TRPS1: variants seen among roughly 807,000 people sequenced by gnomAD.
TRPS1 encodes the protein zinc finger transcription factor Trps1.
A neutral mutation model predicts 101.2 loss-of-function variants in TRPS1; 6 were observed. The ratio of observed to expected loss-of-function variants is 0.06; its 90% confidence interval spans 0.03 to 0.12. The LOEUF is 0.12. Ranked by LOEUF, TRPS1 falls within the 10% of genes least tolerant of loss-of-function variation. TRPS1 has a pLI of 1.00. For missense variants in TRPS1, 1,363 were observed against 1,567.0 expected (o/e 0.87, Z 2.20); for synonymous variants, 578 against 589.8 (o/e 0.98, Z 0.29).
chr8:115,605,748 G>T (rs1390226280), intron 3 of TRPS1, among the ~76,000 whole-genome samples: 1 of 152,110 alleles, frequency 6.6e-6, no homozygotes, highest in Non-Finnish European at 1.5e-5. Context: ...CTTCTCACAT[G>T]AGTAGGTCAT....
At chr8:115,445,445 C>T (rs1813708623) in intron 5 of TRPS1, among the ~76,000 whole-genome samples, 1 of 152,166 alleles carries the variant, frequency 6.6e-6, no homozygotes, top group Admixed American at 6.5e-5. Context: ...TCTTACCATA[C>T]ATCTTGAGTT....
At chr8:115,547,256 A>G (rs969344028) in intron 5 of TRPS1, among the ~76,000 whole-genome samples, 2 of 152,120 alleles carry the variant, frequency 1.3e-5, no homozygotes, top group Admixed American at 6.6e-5. Context: ...AAAGGGAACA[A>G]AGAATGACTC....
chr8:115,478,106 C>A (rs1814650587), intron 5 of TRPS1, among the ~76,000 whole-genome samples: 2 of 152,134 alleles, frequency 1.3e-5, no homozygotes, highest in South Asian at 4.2e-4. Context: ...ACAAAGTATG[C>A]TGATTTAAAA....
rs1430047127 is a variant in TRPS1 at position 115,658,082 on chromosome 8, G to A, written c.-122+10463C>T. 2.0e-5 allele frequency among the ~76,000 whole-genome samples: 3 copies of A among 152,032 alleles called. No homozygotes were observed. The South Asian group carries it at 6.2e-4, about 32-fold the overall frequency. ...ATAAAGCAGGGCAGAATAAGCCAGA[G>A]GAAGCATGCTTGGTCTCAGCATAAT... is the stretch of plus-strand genomic sequence containing the variant. On this transcript the variant is annotated intron_variant, in intron 1 of 6. Transcript: ENST00000395715.
At chr8:115,620,675 A>C (rs1250483957) in intron 2 of TRPS1, among the ~76,000 whole-genome samples, 3 of 152,248 alleles carry the variant, frequency 2.0e-5, no homozygotes, top group Middle Eastern at 3.2e-3. Flanking sequence ...AAACTGCCTC[A>C]TCACTTTCAG....
At chr8:115,444,782 T>C (rs901812268) in intron 5 of TRPS1, among the ~76,000 whole-genome samples, 3 of 152,170 alleles carry the variant, frequency 2.0e-5, no homozygotes, top group Admixed American at 2.0e-4. Context: ...TCAGTGTGAC[T>C]CCACCATCCT....
intron 5 of TRPS1, among the ~76,000 whole-genome samples, chr8:115,471,741 T>C (rs562355397): frequency 1.1e-4 from 16 of 152,268 alleles, no homozygotes; most frequent in African/African-American, 3.4e-4. Flanking sequence ...GGTGTAGCCA[T>C]TGGGTATATA....
chr8:115,533,989 C>A (rs573909153), intron 5 of TRPS1, among the ~76,000 whole-genome samples: 7 of 152,328 alleles, frequency 4.6e-5, no homozygotes, highest in African/African-American at 7.2e-5. Flanking sequence ...CACCATCAGA[C>A]TGGAGATTGA....
chr8:115,437,405 A>G (rs1164853751), intron 5 of TRPS1, among the ~76,000 whole-genome samples: 1 of 152,230 alleles, frequency 6.6e-6, no homozygotes, highest in Non-Finnish European at 1.5e-5. Context: ...CCTTGTGGCC[A>G]GCTCATAGGA....
intron 5 of TRPS1, among the ~76,000 whole-genome samples, chr8:115,586,748 A>C (rs905115156): frequency 2.0e-5 from 3 of 152,234 alleles, no homozygotes; most frequent in Admixed American, 2.0e-4. Flanking sequence ...AGGAATGATT[A>C]ACCAACATTC....
intron 4 of TRPS1, among the ~76,000 whole-genome samples, chr8:115,597,938 T>C (rs1295330415): frequency 6.6e-6 from 1 of 152,190 alleles, no homozygotes; most frequent in African/African-American, 2.4e-5. Flanking sequence ...CAGAGACTTA[T>C]GTTTCAGGTG....
At chr8:115,489,895 A>G (rs1814977943) in intron 5 of TRPS1, among the ~76,000 whole-genome samples, 1 of 152,118 alleles carries the variant, frequency 6.6e-6, no homozygotes, top group South Asian at 2.1e-4. Context: ...CTTAAACTTA[A>G]TACTTTTAAC....
At chr8:115,561,006 G>A (rs893756160) in intron 5 of TRPS1, among the ~76,000 whole-genome samples, 1 of 152,032 alleles carries the variant, frequency 6.6e-6, no homozygotes, top group Non-Finnish European at 1.5e-5. Flanking sequence ...GAAAACCACA[G>A]CTTTATTTTT....
At chr8:115,625,947 T>TG (rs1563653608) in intron 1 of TRPS1, among the ~76,000 whole-genome samples, 1 of 151,870 alleles carries the variant, frequency 6.6e-6, no homozygotes, top group East Asian at 1.9e-4. Flanking sequence ...TTTTCAACTG[T>TG]TTGAAATCAA....
At chr8:115,433,895 T>C (rs911322200) in intron 5 of TRPS1, among the ~76,000 whole-genome samples, 3 of 152,162 alleles carry the variant, frequency 2.0e-5, no homozygotes, top group East Asian at 1.9e-4. Flanking sequence ...TCTGGGATAA[T>C]TGTTACCTTT....
chr8:115,574,235 C>T (rs1817268222), intron 5 of TRPS1, among the ~76,000 whole-genome samples: 1 of 152,160 alleles, frequency 6.6e-6, no homozygotes, highest in South Asian at 2.1e-4. Context: ...ATTAACTCCA[C>T]AAAGTTATCC....
intron 5 of TRPS1, among the ~76,000 whole-genome samples, chr8:115,430,967 T>G (rs553266080): frequency 2.0e-5 from 3 of 151,994 alleles, no homozygotes; most frequent in Non-Finnish European, 4.4e-5. Flanking sequence ...ATAGAGTACC[T>G]AGGAGAATGC....
intron 3 of TRPS1, among the ~76,000 whole-genome samples, chr8:115,615,859 C>A (rs1022219103): frequency 2.0e-5 from 3 of 152,150 alleles, no homozygotes; most frequent in Non-Finnish European, 4.4e-5. Context: ...GCCTCTATGG[C>A]CGAATACAGA....
intron 4 of TRPS1, among the ~76,000 whole-genome samples, chr8:115,592,470 C>T (rs1235911687): frequency 6.6e-6 from 1 of 152,134 alleles, no homozygotes; most frequent in Non-Finnish European, 1.5e-5. Flanking sequence ...TAAAGCTTGA[C>T]ATTTAAGCAG....
Sources: allele counts gnomAD v4.1 joint callset (sites outside exome capture counted in the v4.1 genomes callset), GRCh38; gene constraint gnomAD v4.1.1; transcripts MANE v1.5; gene names NCBI Gene and HGNC (gene_info 2026-07-23, HGNC 2026-07-21).